The following CEACAM5 variants were observed in gnomAD, a reference collection of about 807,000 sequenced individuals.
The protein encoded by CEACAM5 is cell adhesion molecule CEACAM5.
In CEACAM5, 52 loss-of-function variants were observed where a neutral mutation model predicts 63.0. That is an observed-to-expected ratio of 0.83 (90% CI 0.66 to 1.04). The LOEUF is 1.04. CEACAM5 is among the 50% of genes least tolerant of loss of function. CEACAM5 has a pLI of 0.00. For synonymous variants in CEACAM5, 357 were observed against 351.3 expected (o/e 1.02, Z -0.18); for missense variants, 790 against 864.8 (o/e 0.91, Z 1.08).
Position 41,727,330 on chromosome 19 carries a change from G to A in CEACAM5, c.*14G>A, listed in dbSNP as rs1555817257. On this transcript the variant is annotated 3_prime_UTR_variant, in exon 9 of 10. Coordinates refer to ENST00000221992, the MANE Select transcript of CEACAM5 (RefSeq NM_004363.6). ...GCTCTGATATAGCAGCCCTGGTGTA[G>A]TTTCTTCATTTCAGGAAGACTGGTA... The A allele has an allele frequency of 6.3e-7, 1 of 1,596,042 alleles. No individual in the cohort carries two copies. The highest frequency in any genetic ancestry group is 1.7e-5 in the Admixed American group (1 of 59,698).
At position 41,717,446 on chromosome 19, in the gene CEACAM5, T is replaced by C; in HGVS notation, c.959-9T>C. ...ACACAGGGCAATCTTCTCTCTGTTA[T>C]CTGCACAGCAGAGCCACCCAAACCC... On this transcript the variant is annotated splice_polypyrimidine_tract_variant and intron_variant, in intron 4 of 9. Coordinates refer to ENST00000221992, the MANE Select transcript of CEACAM5 (RefSeq NM_004363.6). 5 of 1,609,826 alleles carry C rather than the reference T, an allele frequency of 3.1e-6. No homozygotes were observed. The highest frequency in any genetic ancestry group is 4.2e-6 in the Non-Finnish European group (5 of 1,177,412).
At chr19:41,711,278 C>T (rs892415202) in intron 2 of CEACAM5, among the ~76,000 whole-genome samples, 1 of 152,196 alleles carries the variant, frequency 6.6e-6, no homozygotes, top group African/African-American at 2.4e-5. Flanking sequence ...CTCACATGAC[C>T]TCAAATCCTG....
rs55647539 is a variant in CEACAM5 at position 41,728,786 on chromosome 19, C to CAAAAAAAAAAAAA, written c.*37-391_*37-379dup. Among the ~76,000 whole-genome samples, 82 of 73,184 alleles carry CAAAAAAAAAAAAA rather than the reference C, an allele frequency of 1.1e-3. 1 individual carries two copies. Among genetic ancestry groups the CAAAAAAAAAAAAA allele is most frequent in the African/African-American group, 3.8e-3 (66 of 17,454 alleles). The allele number at this position is 73,184 out of a possible 152,430, so 48.0% of individuals were successfully genotyped here. ...TGGGCGACAGAGCAAGACTCCGTCT[C>CAAAAAAAAAAAAA]AAAAAAAAAAAAAAAAAAAGAATTG... On this transcript the variant is annotated intron_variant, in intron 9 of 9. Coordinates refer to ENST00000221992, the MANE Select transcript of CEACAM5 (RefSeq NM_004363.6).
At chr19:41,725,098 C>T (rs1555816879) in intron 8 of CEACAM5, among the ~76,000 whole-genome samples, 1 of 152,184 alleles carries the variant, frequency 6.6e-6, no homozygotes, top group African/African-American at 2.4e-5. Flanking sequence ...GCTTTTCACA[C>T]ATTGCCTTTA....
intron 2 of CEACAM5, among the ~76,000 whole-genome samples, chr19:41,711,797 A>G (rs2072439841): frequency 1.3e-5 from 2 of 150,812 alleles, no homozygotes; most frequent in South Asian, 4.2e-4. Flanking sequence ...ATCTTCCTCC[A>G]CTCTTAGGCC....
chr19:41,724,506 G>A (rs1330826231), intron 8 of CEACAM5, among the ~76,000 whole-genome samples: 6 of 152,130 alleles, frequency 3.9e-5, no homozygotes, highest in African/African-American at 1.4e-4. Flanking sequence ...TGCAAAAAAT[G>A]TCACTGGGAC....
chr19:41,715,553 T>C (rs571463075), intron 3 of CEACAM5, 97 bp from the exon 4 acceptor site: 1 of 1,478,738 alleles, frequency 6.8e-7, no homozygotes, highest in Admixed American at 1.7e-5. Context: ...TTTAGGATTG[T>C]GATTCAGCTT....
At chr19:41,726,588 T>C (rs940098503) in intron 8 of CEACAM5, among the ~76,000 whole-genome samples, 5 of 151,770 alleles carry the variant, frequency 3.3e-5, no homozygotes, top group Admixed American at 2.6e-4. Context: ...TGAGGAAAAG[T>C]GGAGTAGAAG....
chr19:41,709,964 A>G lies in CEACAM5; in HGVS notation c.349A>G (p.Thr117Ala). Residue 117 changes from threonine to alanine, a missense_variant, in exon 2 of 10, where the codon ACA (threonine) becomes GCA (alanine). Coordinates refer to ENST00000221992, the MANE Select transcript of CEACAM5 (RefSeq NM_004363.6). ...GATCCAGAACATCATCCAGAATGAC[A>G]CAGGATTCTACACCCTACACGTCAT... Reference protein sequence around the residue: ...LLIQNIIQNDTGFYTLHVIKS... With the variant: ...LLIQNIIQNDAGFYTLHVIKS... 4 of 1,613,982 alleles carry G rather than the reference A, an allele frequency of 2.5e-6. No homozygotes were observed. Among genetic ancestry groups the G allele is most frequent in the Non-Finnish European group, 3.4e-6 (4 of 1,179,904 alleles).
At chr19:41,710,121 C>T in intron 2 of CEACAM5, 82 bp downstream of exon 2, 1 of 1,543,324 alleles carries the variant, frequency 6.5e-7, no homozygotes, top group Non-Finnish European at 8.7e-7. Context: ...TGGGCTGTGC[C>T]TGTGGCCCCC....
chr19:41,715,771 G>C lies in CEACAM5; in HGVS notation c.825G>C (p.Gly275=), dbSNP rs2072516430. Residue 275 remains glycine (G), a synonymous_variant, in exon 4 of 10, where the codon GGG becomes GGC. Transcript: ENST00000221992. ...CACAGTACTCTTGGTTTGTCAATGG[G>C]ACTTTCCAGCAATCCACCCAAGAGC... The part of the protein sequence containing the change: ...PPAQYSWFVN[G]TFQQSTQELF... 5.6e-6 allele frequency: 9 copies of C among 1,614,138 alleles called. No individual in the cohort carries two copies. The highest frequency in any genetic ancestry group is 7.6e-6 in the Non-Finnish European group (9 of 1,180,036).
intron 8 of CEACAM5, among the ~76,000 whole-genome samples, chr19:41,721,501 A>G (rs1439203873): frequency 1.3e-5 from 2 of 152,260 alleles, no homozygotes; most frequent in Non-Finnish European, 2.9e-5. Flanking sequence ...TCTATCACCA[A>G]TATGTCCCTT....
At position 41,715,231 on chromosome 19, in the gene CEACAM5, G is replaced by C. The variant is rs1555814745; in HGVS notation, c.685G>C (p.Val229Leu). The change falls in exon 3 of 10, where the codon GTC (valine) becomes CTC (leucine). Residue 229 changes from valine (V) to leucine (L), a missense_variant. Transcript: ENST00000221992. Reference protein sequence around the residue: ...NPVSARRSDSVILNVLYGPDA... With the variant: ...NPVSARRSDSLILNVLYGPDA... ...AGTGAGTGCCAGGCGCAGTGATTCA[G>C]TCATCCTGAATGTCCTCTGTGAGTA... 2 of 1,614,226 alleles carry C rather than the reference G, an allele frequency of 1.2e-6. No individual in the cohort carries two copies. Among genetic ancestry groups the C allele is most frequent in the Admixed American group, 1.7e-5 (1 of 60,028 alleles).
chr19:41,728,873 C>T (rs1293211903), intron 9 of CEACAM5, among the ~76,000 whole-genome samples: 3 of 151,252 alleles, frequency 2.0e-5, no homozygotes, highest in Admixed American at 6.6e-5. Context: ...TTAATGGGCT[C>T]CACCAGGAAA....
At chr19:41,709,194 G>A (rs2072391612) in intron 1 of CEACAM5, among the ~76,000 whole-genome samples, 1 of 152,216 alleles carries the variant, frequency 6.6e-6, no homozygotes, top group African/African-American at 2.4e-5. Context: ...GCCTGTCCCA[G>A]GCACTGGGGT....
chr19:41,714,528 A>G (rs1228744248), intron 2 of CEACAM5, among the ~76,000 whole-genome samples: 1 of 152,192 alleles, frequency 6.6e-6, no homozygotes, highest in Non-Finnish European at 1.5e-5. Flanking sequence ...ATCACTATCC[A>G]TTTCTAGGAT....
chr19:41,720,186 C>T lies in CEACAM5; in HGVS notation c.1749C>T (p.Asp583=), dbSNP rs782257027. 6.2e-7 allele frequency: 1 copy of T among 1,614,150 alleles called. No homozygotes were observed. Among genetic ancestry groups the T allele is most frequent in the South Asian group, 1.1e-5 (1 of 91,086 alleles). Residue 583 remains aspartate (D), a synonymous_variant, in exon 7 of 10, where the codon GAC becomes GAT. Coordinates refer to ENST00000221992, the MANE Select transcript of CEACAM5 (RefSeq NM_004363.6). ...IQNSVSANRS[D]PVTLDVLYGP... is the part of the protein sequence containing the mutation. The stretch of plus-strand genomic sequence containing the variant: ...ACTCAGTGAGTGCAAACCGCAGTGA[C>T]CCAGTCACCCTGGATGTCCTCTGTG...
chr19:41,721,519 CCT>C (rs1163541266), intron 8 of CEACAM5, among the ~76,000 whole-genome samples: 1 of 152,266 alleles, frequency 6.6e-6, no homozygotes, highest in Non-Finnish European at 1.5e-5. Flanking sequence ...CTTTCTGTCA[CCT>C]CTTTGTGTTT....
chr19:41,710,137 A>G, intron 2 of CEACAM5, 98 bp downstream of exon 2: 2 of 1,500,008 alleles, frequency 1.3e-6, no homozygotes, highest in Non-Finnish European at 1.8e-6. Context: ...CCCCCTCTGC[A>G]TTACGCACCA....
Sources: gnomAD v4.1 joint callset for allele counts (sites outside exome capture counted in the v4.1 genomes callset) on GRCh38, gnomAD v4.1.1 for gene constraint, MANE v1.5 for transcripts, NCBI Gene and HGNC (gene_info 2026-07-23, HGNC 2026-07-21) for gene names.